ABCA9: variants seen among roughly 807,000 people sequenced by gnomAD.
ABCA9 encodes ATP-binding cassette sub-family A member 9.
In ABCA9, 183 loss-of-function variants were observed where a neutral mutation model predicts 205.3. That is an observed-to-expected ratio of 0.89 (90% CI 0.79 to 1.01). ABCA9 has a LOEUF of 1.01. Ranked by LOEUF, ABCA9 falls within the 50% of genes least tolerant of loss-of-function variation. The pLI is 0.00. For missense variants in ABCA9, 1,805 were observed against 1,912.4 expected (o/e 0.94, Z 1.05); for synonymous variants, 651 against 683.3 (o/e 0.95, Z 0.74).
intron 30 of ABCA9, 124 bp from the exon 31 acceptor site, chr17:68,989,242 CCTCT>C (rs569197969): frequency 1.5e-5 from 5 of 335,090 alleles, no homozygotes; most frequent in East Asian, 4.5e-5. Context: ...TTCCCTTATT[CCTCT>C]CTCTCTCTCT....
In ABCA9 at chr17:69,008,184, A is replaced by G; in HGVS notation, c.3199T>C (p.Trp1067Arg). 6.2e-7 allele frequency: 1 copy of G among 1,614,124 alleles called. No homozygotes were observed. Among genetic ancestry groups the G allele is most frequent in the South Asian group, 1.1e-5 (1 of 91,078 alleles). The change falls in exon 24 of 39, where the codon TGG becomes CGG. Residue 1067 changes from tryptophan to arginine, a missense_variant. Trp to Arg is a moderately radical substitution (Grantham distance 101). Coordinates refer to ENST00000340001, the MANE Select transcript of ABCA9 (RefSeq NM_080283.4). ...ACATCCACCAGTGCTTGGCCAAACC[A>G]GTATGCAGAAGGGTAGAGGCCTGAA... ...RISGLYPSAYWFGQALVDVSL... is the reference protein window; with the variant it reads ...RISGLYPSAYRFGQALVDVSL...
At chr17:69,049,870 C>T (rs1423850488) in intron 2 of ABCA9, among the ~76,000 whole-genome samples, 1 of 152,018 alleles carries the variant, frequency 6.6e-6, no homozygotes, top group African/African-American at 2.4e-5. Flanking sequence ...TCAACAGGAG[C>T]AAGATCATAT....
chr17:68,984,653 T>C (rs1055876465), intron 34 of ABCA9, among the ~76,000 whole-genome samples: 2 of 152,216 alleles, frequency 1.3e-5, no homozygotes, highest in Non-Finnish European at 2.9e-5. Context: ...TATAAAAATG[T>C]TCCATGTAGG....
At chr17:68,989,292 A>ACACACC (rs2069365707) in intron 30 of ABCA9, among the ~76,000 whole-genome samples, 174 bp from the exon 31 acceptor site, 1 of 149,146 alleles carries the variant, frequency 6.7e-6, no homozygotes, top group Non-Finnish European at 1.5e-5. Context: ...ACACACACAC[A>ACACACC]CACCCCTGAG....
In ABCA9 at chr17:68,992,493, T is replaced by C. The variant is rs113801817; in HGVS notation, c.3625-227A>G. Reference sequence around the variant, plus strand: ...TAATAGTAGCAAGTGAAACCAGTACTACCCATGACAGATAATTATTGTAAA... The same window carrying C: ...TAATAGTAGCAAGTGAAACCAGTACCACCCATGACAGATAATTATTGTAAA... On this transcript the variant is annotated intron_variant, in intron 27 of 38. Transcript: ENST00000340001. 640 of 320,604 alleles carry C rather than the reference T, an allele frequency of 2.0e-3. 5 individuals are homozygous for C. Among genetic ancestry groups the C allele is most frequent in the African/African-American group, 0.012 (580 of 46,420 alleles). The allele number at this position is 320,604 out of a possible 1,614,324, so 19.9% of individuals were successfully genotyped here. A position where few individuals can be genotyped will look rare whatever the true frequency, so the allele number is the denominator to read the frequency against.
At chr17:69,025,556 T>G (rs946681162) in intron 16 of ABCA9, among the ~76,000 whole-genome samples, 2 of 152,100 alleles carry the variant, frequency 1.3e-5, no homozygotes, top group Non-Finnish European at 2.9e-5. Context: ...TAACAAGTAG[T>G]AATGATAGAT....
chr17:68,989,810 A>G lies in ABCA9; in HGVS notation c.3955+3T>C. 3 of 1,539,656 alleles carry G rather than the reference A, an allele frequency of 1.9e-6. No individual in the cohort carries two copies. The highest frequency in any genetic ancestry group is 2.2e-5 in the East Asian group (1 of 44,560). ...CTCTACTAATGGAACTACTGTTTCC[A>G]ACCTTTTTTAACACAAAAAGAGACA... On this transcript the variant is annotated splice_donor_region_variant and intron_variant, in intron 30 of 38. Coordinates refer to ENST00000340001, the MANE Select transcript of ABCA9 (RefSeq NM_080283.4).
At chr17:68,984,762 T>G in intron 34 of ABCA9, 123 bp downstream of exon 34, 2 of 1,287,974 alleles carry the variant, frequency 1.6e-6, no homozygotes, top group Non-Finnish European at 2.1e-6. Flanking sequence ...GATAATTTTT[T>G]TTCCTAAAAT....
intron 5 of ABCA9, among the ~76,000 whole-genome samples, chr17:69,044,132 G>A (rs772353246): frequency 6.6e-6 from 1 of 152,136 alleles, no homozygotes; most frequent in Non-Finnish European, 1.5e-5. Flanking sequence ...TTTGGGGGCT[G>A]CAGTGAGCTA....
At chr17:68,979,136 A>G (rs1018998154) in intron 37 of ABCA9, among the ~76,000 whole-genome samples, 2 of 152,214 alleles carry the variant, frequency 1.3e-5, no homozygotes, top group African/African-American at 4.8e-5. Context: ...ATTCTTATAC[A>G]CCAATAACAG....
At position 68,976,195 on chromosome 17, in the gene ABCA9, A is replaced by G. The variant is rs2068888488; in HGVS notation, c.4721-5T>C. On this transcript the variant is annotated splice_region_variant and splice_polypyrimidine_tract_variant and intron_variant, in intron 37 of 38. Coordinates refer to ENST00000340001, the MANE Select transcript of ABCA9 (RefSeq NM_080283.4). ...CCAGGTCGAAACTCTGTTTAACTGC[A>G]TAAGAATGAGCATACATTAGGAATT... is the stretch of plus-strand genomic sequence containing the variant. 6.2e-7 allele frequency: 1 copy of G among 1,613,386 alleles called. No homozygotes were observed. The highest frequency in any genetic ancestry group is 2.2e-5 in the East Asian group (1 of 44,882).
intron 3 of ABCA9, among the ~76,000 whole-genome samples, chr17:69,048,182 C>G (rs2071782574): frequency 6.6e-6 from 1 of 152,102 alleles, no homozygotes; most frequent in Non-Finnish European, 1.5e-5. Context: ...ATTACAGGTC[C>G]CTTCCTCCAC....
chr17:69,026,479 TAATC>T lies in ABCA9; in HGVS notation c.2051-16_2051-13del. 6.2e-7 allele frequency: 1 copy of T among 1,602,592 alleles called. No individual in the cohort carries two copies. Among genetic ancestry groups the T allele is most frequent in the Non-Finnish European group, 8.5e-7 (1 of 1,170,602 alleles). ...GAACACCTTCCTGTCTAGTTAGAAA[TAATC>T]AAAAGATAAGTTACATGAAGGACTT... On this transcript the variant is annotated splice_polypyrimidine_tract_variant and intron_variant, in intron 15 of 38. Coordinates refer to ENST00000340001, the MANE Select transcript of ABCA9 (RefSeq NM_080283.4).
chr17:69,014,966 C>G (rs917572798), intron 22 of ABCA9, among the ~76,000 whole-genome samples: 1 of 152,094 alleles, frequency 6.6e-6, no homozygotes, highest in Non-Finnish European at 1.5e-5. Flanking sequence ...ACATGGGTCA[C>G]CTGGGCTGTG....
chr17:69,044,378 T>C, intron 5 of ABCA9, 119 bp downstream of exon 5: 1 of 813,170 alleles, frequency 1.2e-6, no homozygotes, highest in Non-Finnish European at 1.9e-6. Context: ...ATGGAAGTTG[T>C]TCTGTATATT....
chr17:69,025,885 A>C (rs1037756799), intron 16 of ABCA9, among the ~76,000 whole-genome samples: 1 of 152,108 alleles, frequency 6.6e-6, no homozygotes, highest in Non-Finnish European at 1.5e-5. Context: ...AATAATATGA[A>C]TATTCTATAT....
In ABCA9 at chr17:69,046,914, AAATTTTATATATATAGAAAATTTTAT is replaced by A. The variant is rs1567971377; in HGVS notation, c.305-1604_305-1579del. On this transcript the variant is annotated intron_variant, in intron 3 of 38. Coordinates refer to ENST00000340001, the MANE Select transcript of ABCA9 (RefSeq NM_080283.4). The stretch of plus-strand genomic sequence containing the variant: ...ATATATATATATATATATATATATA[AAATTTTATATATATAGAAAATTTTAT>A]ATATATATATATAATTGTTGTTTGT... 2.7e-5 allele frequency among the ~76,000 whole-genome samples: 3 copies of A among 113,096 alleles called. No homozygotes were observed. In the East Asian group the frequency reaches 7.5e-4, roughly 28 times the overall value. The allele number at this position is 113,096 out of a possible 152,430, so 74.2% of individuals were successfully genotyped here.
At chr17:68,980,348 T>C (rs1211058944) in intron 37 of ABCA9, among the ~76,000 whole-genome samples, 3 of 152,144 alleles carry the variant, frequency 2.0e-5, no homozygotes, top group Non-Finnish European at 4.4e-5. Flanking sequence ...GACTGTAAAC[T>C]AGTTCAACCA....
chr17:69,062,493 CAATATTT>C (rs2072282153), upstream of ABCA9, among the ~76,000 whole-genome samples: 1 of 151,790 alleles, frequency 6.6e-6, no homozygotes, highest in Non-Finnish European at 1.5e-5. Context: ...CTAGATTAAA[CAATATTT>C]AATATTTATT....
Sources: allele counts gnomAD v4.1 joint callset (sites outside exome capture counted in the v4.1 genomes callset), GRCh38; gene constraint gnomAD v4.1.1; transcripts MANE v1.5; gene names NCBI Gene and HGNC (gene_info 2026-07-23, HGNC 2026-07-21).